TFEC: variants seen among roughly 807,000 people sequenced by gnomAD.
TFEC encodes transcription factor EC.
TFEC carries 31 observed loss-of-function variants against 41.6 expected under a neutral mutation model. The ratio of observed to expected loss-of-function variants is 0.74; its 90% CI spans 0.56 to 1.01. The LOEUF is 1.01. TFEC is among the 50% of genes least tolerant of loss of function. The probability of loss-of-function intolerance (pLI) is 0.00; values close to 1 mark genes in which losing one functional copy is unlikely to be tolerated. For missense variants in TFEC, 402 were observed against 404.1 expected, an observed-to-expected ratio of 0.99 and a Z score of 0.04; for synonymous variants, 143 against 140.6, an observed-to-expected ratio of 1.02 and a Z score of -0.12.
chr7:116,125,234 G>T (rs995189140), intron 1 of TFEC, among the ~76,000 whole-genome samples: 6 of 152,114 alleles, frequency 3.9e-5, no homozygotes, highest in Non-Finnish European at 5.9e-5. Context: ...AATATGCAGG[G>T]TTGCAGGGTA....
At chr7:116,107,927 T>G (rs1797757685) in intron 3 of TFEC, among the ~76,000 whole-genome samples, 1 of 152,202 alleles carries the variant, frequency 6.6e-6, no homozygotes, top group Non-Finnish European at 1.5e-5. Context: ...GTGATTAGCA[T>G]GATGCTTGTC....
At chr7:116,091,616 T>A (rs1034410924) in intron 3 of TFEC, among the ~76,000 whole-genome samples, 1 of 152,084 alleles carries the variant, frequency 6.6e-6, no homozygotes, top group African/African-American at 2.4e-5. Flanking sequence ...ACAAAGATAT[T>A]TGGCTTCCAA....
intron 2 of TFEC, among the ~76,000 whole-genome samples, chr7:115,978,109 C>T (rs11766059): frequency 0.14 from 20,837 of 152,036 alleles, 1,928 homozygotes; most frequent in Non-Finnish European, 0.21. Context: ...GAAACTCTCT[C>T]TTGAATTGGA....
At chr7:116,076,225 A>T (rs1439764038) in intron 3 of TFEC, among the ~76,000 whole-genome samples, 1 of 152,200 alleles carries the variant, frequency 6.6e-6, no homozygotes, top group Non-Finnish European at 1.5e-5. Context: ...GGGAAGCAGG[A>T]GAACACCACA....
At chr7:116,127,513 T>A (rs568380598) in intron 1 of TFEC, among the ~76,000 whole-genome samples, 2 of 152,312 alleles carry the variant, frequency 1.3e-5, no homozygotes, top group East Asian at 3.9e-4. Flanking sequence ...TCTATTCTTT[T>A]AGTGTTTAGC....
At chr7:116,080,724 C>G (rs1005605816) in intron 3 of TFEC, among the ~76,000 whole-genome samples, 1 of 151,902 alleles carries the variant, frequency 6.6e-6, no homozygotes, top group South Asian at 2.1e-4. Context: ...GAAAAGGGAA[C>G]ACTTAACTGT....
intron 1 of TFEC, among the ~76,000 whole-genome samples, chr7:116,000,553 C>A (rs1255212464): frequency 2.0e-5 from 3 of 152,034 alleles, no homozygotes; most frequent in African/African-American, 7.2e-5. Context: ...CCTAAAGACT[C>A]CACACAAAAA....
intron 6 of TFEC, among the ~76,000 whole-genome samples, chr7:115,945,294 G>C (rs1791470308): frequency 6.6e-6 from 1 of 151,266 alleles, no homozygotes; most frequent in African/African-American, 2.4e-5. Context: ...GTGACTTTTA[G>C]ATTATCCCTA....
chr7:116,091,064 T>C (rs921897990), intron 3 of TFEC, among the ~76,000 whole-genome samples: 5 of 151,988 alleles, frequency 3.3e-5, no homozygotes, highest in Non-Finnish European at 7.4e-5. Context: ...TGTGTACCTA[T>C]GTAACAAACC....
chr7:116,062,706 T>C (rs565086511), intron 3 of TFEC, among the ~76,000 whole-genome samples: 1 of 151,860 alleles, frequency 6.6e-6, no homozygotes, highest in Admixed American at 6.6e-5. Flanking sequence ...AGTTTTTGTA[T>C]AATGACTTCT....
chr7:116,089,068 C>T (rs1397971829), intron 3 of TFEC, among the ~76,000 whole-genome samples: 1 of 152,090 alleles, frequency 6.6e-6, no homozygotes, highest in Admixed American at 6.6e-5. Context: ...TATCACCATG[C>T]CACTGTTTCA....
At chr7:116,028,762 T>C (rs753642117) in intron 1 of TFEC, among the ~76,000 whole-genome samples, 1 of 152,250 alleles carries the variant, frequency 6.6e-6, no homozygotes, top group Non-Finnish European at 1.5e-5. Flanking sequence ...GCTTTTCCAC[T>C]ATTATGGAAA....
upstream of TFEC, among the ~76,000 whole-genome samples, chr7:116,034,423 C>T (rs559242246): frequency 6.6e-6 from 1 of 152,154 alleles, no homozygotes; most frequent in Admixed American, 6.6e-5. Context: ...CCATGCACCA[C>T]TTGCAGCCTT....
At chr7:116,125,991 T>C (rs969919852) in intron 1 of TFEC, among the ~76,000 whole-genome samples, 3 of 152,100 alleles carry the variant, frequency 2.0e-5, no homozygotes, top group Non-Finnish European at 2.9e-5. Flanking sequence ...AGAGGCCCAG[T>C]AGTGAAAACA....
chr7:115,986,125 C>T (rs1793844248), intron 1 of TFEC, among the ~76,000 whole-genome samples: 1 of 152,080 alleles, frequency 6.6e-6, no homozygotes, highest in African/African-American at 2.4e-5. Flanking sequence ...ATCAAGAATA[C>T]AAAAGAAGTC....
At chr7:116,047,822 C>T (rs4363126) in intron 3 of TFEC, among the ~76,000 whole-genome samples, 29,123 of 152,146 alleles carry the variant, frequency 0.19, 2,814 homozygotes, top group East Asian at 0.32. Flanking sequence ...AAGGATCAGG[C>T]AGCAACATTT....
chr7:116,097,583 T>C (rs953455615), intron 3 of TFEC, among the ~76,000 whole-genome samples: 1 of 152,172 alleles, frequency 6.6e-6, no homozygotes, highest in African/African-American at 2.4e-5. Context: ...AGTGTGGCGA[T>C]GCAGGACAAA....
intron 1 of TFEC, among the ~76,000 whole-genome samples, chr7:115,984,965 G>C (rs1375128512): frequency 6.6e-6 from 1 of 151,950 alleles, no homozygotes; most frequent in Admixed American, 6.6e-5. Context: ...AATTATAAGA[G>C]AGCAGGAACT....
Position 115,940,463 on chromosome 7 carries a change from G to T in TFEC, c.*88C>A, listed in dbSNP as rs946236998. 1.8e-5 allele frequency: 25 copies of T among 1,400,510 alleles called. 1 individual carries two copies. In the East Asian group the frequency reaches 5.9e-4, roughly 33 times the overall value. 86.8% of individuals were successfully genotyped at this position (1,400,510 alleles called of 1,614,324 possible). On this transcript the variant is annotated 3_prime_UTR_variant, in exon 8 of 8. Coordinates refer to ENST00000265440, the MANE Select transcript of TFEC (RefSeq NM_012252.4). ...CACATTCCTTTAAGAAAAAAAATAA[G>T]CCAAAGCAACATATGAAACACAGAG...
Sources: allele counts gnomAD v4.1 joint callset (sites outside exome capture counted in the v4.1 genomes callset), GRCh38; gene constraint gnomAD v4.1.1; transcripts MANE v1.5; gene names NCBI Gene and HGNC (gene_info 2026-07-23, HGNC 2026-07-21).